The following PTPRD variants were observed in gnomAD, a reference collection of about 807,000 sequenced individuals.
The protein encoded by PTPRD is protein tyrosine phosphatase receptor type D.
In PTPRD, 34 loss-of-function variants were observed where a neutral mutation model predicts 214.5. The observed-to-expected ratio is 0.16, with a 90% CI of 0.12 to 0.21. The LOEUF is 0.21. PTPRD is among the 10% of genes least tolerant of loss of function. The pLI is 1.00. For missense variants in PTPRD, 2,545 were observed against 2,398.7 expected, an observed-to-expected ratio of 1.06 and a Z score of -1.27; for synonymous variants, 1,128 against 845.7, an observed-to-expected ratio of 1.33 and a Z score of -5.79.
intron 10 of PTPRD, among the ~76,000 whole-genome samples, chr9:9,042,830 T>C (rs1262051565): frequency 1.3e-5 from 2 of 151,970 alleles, no homozygotes; most frequent in African/African-American, 4.8e-5. Context: ...TCCTGGACTT[T>C]GAGTCAGGGA....
rs184037282 is a variant in PTPRD, at chr9:8,708,251, G to C, written c.64+25529C>G. On this transcript the variant is annotated intron_variant, in intron 12 of 45. Coordinates refer to ENST00000381196, the MANE Select transcript of PTPRD (RefSeq NM_002839.4). ...TCACCTCATGTCTGTTAGAGTGGTT[G>C]TTATCAAATAACAAAAGGTAGGTGT... Among the ~76,000 whole-genome samples the C allele has an allele frequency of 2.2e-3, 331 of 152,218 alleles. 1 individual carries two copies. The highest frequency in any genetic ancestry group is 7.8e-3 in the African/African-American group (324 of 41,548).
chr9:8,456,509 C>A (rs1389750009), intron 33 of PTPRD, among the ~76,000 whole-genome samples: 1 of 152,116 alleles, frequency 6.6e-6, no homozygotes. Flanking sequence ...AGCCAGAAAG[C>A]AGAGTCAACC....
intron 3 of PTPRD, among the ~76,000 whole-genome samples, chr9:10,271,996 A>C (rs1032499173): frequency 1.4e-4 from 21 of 152,238 alleles, no homozygotes; most frequent in Admixed American, 1.3e-3. Context: ...TCATCCATTT[A>C]AAATATGAAT....
chr9:9,773,025 C>G (rs1175543292), intron 5 of PTPRD, among the ~76,000 whole-genome samples: 2 of 152,110 alleles, frequency 1.3e-5, no homozygotes, highest in Non-Finnish European at 2.9e-5. Flanking sequence ...ATTCCCATAG[C>G]ACATAGGAAA....
At chr9:10,377,656 G>A (rs997371697) in intron 2 of PTPRD, among the ~76,000 whole-genome samples, 6 of 152,036 alleles carry the variant, frequency 3.9e-5, no homozygotes, top group Non-Finnish European at 8.8e-5. Flanking sequence ...ATTCCATGGT[G>A]TATATATGCC....
chr9:9,560,113 G>A (rs1036425506), intron 8 of PTPRD, among the ~76,000 whole-genome samples: 1 of 152,126 alleles, frequency 6.6e-6, no homozygotes, highest in Admixed American at 6.6e-5. Context: ...GGAATGCTAG[G>A]GCAGGACTGG....
intron 4 of PTPRD, among the ~76,000 whole-genome samples, chr9:9,968,018 G>A (rs2094827538): frequency 6.6e-6 from 1 of 152,168 alleles, no homozygotes; most frequent in Non-Finnish European, 1.5e-5. Context: ...TCAGAAGACA[G>A]TGATAAAAAT....
chr9:9,161,221 G>A (rs1405452007), intron 10 of PTPRD, among the ~76,000 whole-genome samples: 1 of 152,106 alleles, frequency 6.6e-6, no homozygotes, highest in Non-Finnish European at 1.5e-5. Context: ...GATAAGTGGA[G>A]GTGATAGGTA....
chr9:9,380,691 T>C (rs1305218334), intron 9 of PTPRD, among the ~76,000 whole-genome samples: 2 of 152,182 alleles, frequency 1.3e-5, no homozygotes, highest in Non-Finnish European at 2.9e-5. Flanking sequence ...ATGCCAATTA[T>C]ATCCAATTGA....
At chr9:8,653,641 T>G (rs1296654123) in intron 12 of PTPRD, among the ~76,000 whole-genome samples, 1 of 152,104 alleles carries the variant, frequency 6.6e-6, no homozygotes, top group Non-Finnish European at 1.5e-5. Flanking sequence ...TATACCCCTC[T>G]GTCATCTATC....
intron 11 of PTPRD, among the ~76,000 whole-genome samples, chr9:8,839,316 ATT>A (rs2154532182): frequency 6.6e-6 from 1 of 151,408 alleles, no homozygotes; most frequent in South Asian, 2.1e-4. Flanking sequence ...TTATTTATTT[ATT>A]TATTTATTTA....
In PTPRD at chr9:10,001,925, C is replaced by T. The variant is rs555332257; in HGVS notation, c.-472+31793G>A. On this transcript the variant is annotated intron_variant, in intron 4 of 45. Coordinates refer to ENST00000381196, the MANE Select transcript of PTPRD (RefSeq NM_002839.4). ...AATGTAAATATATTTTTGTTTAAAA[C>T]GCTTTTATACTCCTACCTGACTTAA... 9.2e-5 allele frequency among the ~76,000 whole-genome samples: 14 copies of T among 151,908 alleles called. No individual in the cohort carries two copies. The South Asian group carries it at 2.1e-3, about 23-fold the overall frequency.
At chr9:10,279,790 G>A (rs2094983200) in intron 3 of PTPRD, among the ~76,000 whole-genome samples, 1 of 151,882 alleles carries the variant, frequency 6.6e-6, no homozygotes, top group Admixed American at 6.6e-5. Context: ...AAGTGGCGTA[G>A]TCACTAAGTG....
intron 2 of PTPRD, among the ~76,000 whole-genome samples, chr9:10,496,925 T>C (rs943302929): frequency 3.3e-5 from 5 of 152,120 alleles, no homozygotes; most frequent in African/African-American, 4.8e-5. Flanking sequence ...ACTTTGTTGA[T>C]AGTTTATTTT....
chr9:8,535,949 C>G (rs2076832010), intron 14 of PTPRD, among the ~76,000 whole-genome samples: 1 of 151,708 alleles, frequency 6.6e-6, no homozygotes. Flanking sequence ...TCATATTAGA[C>G]AAATTTAAAA....
chr9:10,007,651 G>C (rs2096512276), intron 4 of PTPRD, among the ~76,000 whole-genome samples: 1 of 151,908 alleles, frequency 6.6e-6, no homozygotes, highest in Non-Finnish European at 1.5e-5. Context: ...AGAAATATGA[G>C]AGAGGCAAAA....
chr9:9,035,385 T>C (rs1590201026), intron 10 of PTPRD, among the ~76,000 whole-genome samples: 1 of 152,126 alleles, frequency 6.6e-6, no homozygotes, highest in Non-Finnish European at 1.5e-5. Context: ...AGCTTTATTA[T>C]TGAGGAATGT....
chr9:10,173,326 T>C (rs1048927710), intron 3 of PTPRD, among the ~76,000 whole-genome samples: 6 of 152,146 alleles, frequency 3.9e-5, no homozygotes, highest in East Asian at 1.9e-4. Context: ...AGGACACTTA[T>C]TAAATTGGCT....
Position 8,376,670 on chromosome 9 carries a change from T to G in PTPRD, c.4443A>C (p.Gln1481His). The G allele has an allele frequency of 1.9e-6, 3 of 1,613,160 alleles. No homozygotes were observed. Among genetic ancestry groups the G allele is most frequent in the Non-Finnish European group, 2.5e-6 (3 of 1,179,390 alleles). Residue 1481 changes from glutamine (Q) to histidine (H), a missense_variant, in exon 38 of 46, where the codon CAA becomes CAC. Coordinates refer to ENST00000381196, the MANE Select transcript of PTPRD (RefSeq NM_002839.4). ...GCTCCACAGTATCAAGCAGCGTTACTTGAACGAGTCCGTGGGTTTCTGTGC... is the reference window on the plus strand; with the variant it reads ...GCTCCACAGTATCAAGCAGCGTTACGTGAACGAGTCCGTGGGTTTCTGTGC... Reference protein sequence around the residue: ...SRGTETHGLVQVTLLDTVELA... With the variant: ...SRGTETHGLVHVTLLDTVELA...
Sources: gnomAD v4.1 joint callset for allele counts (sites outside exome capture counted in the v4.1 genomes callset) on GRCh38, gnomAD v4.1.1 for gene constraint, MANE v1.5 for transcripts, NCBI Gene and HGNC (gene_info 2026-07-23, HGNC 2026-07-21) for gene names.